The following CHCHD6 variants were observed in gnomAD, a reference collection of about 807,000 sequenced individuals.
CHCHD6 encodes the protein coiled-coil-helix-coiled-coil-helix domain containing 6.
CHCHD6 carries 28 observed loss-of-function variants against 32.3 expected under a neutral mutation model. The ratio of observed to expected loss-of-function variants is 0.87; its 90% confidence interval spans 0.64 to 1.19. The LOEUF (loss-of-function observed/expected upper bound fraction) is 1.19, where lower values mean the gene tolerates loss of function less well. CHCHD6 is among the 50% of genes most tolerant of loss of function. The pLI, the probability that CHCHD6 is intolerant of heterozygous loss-of-function variation, is 0.00. For missense variants in CHCHD6, 333 were observed against 307.0 expected, an observed-to-expected ratio of 1.08 and a Z score of -0.63; for synonymous variants, 122 against 117.5, an observed-to-expected ratio of 1.04 and a Z score of -0.25.
intron 4 of CHCHD6, chr3:126,766,410 G>A (rs1937372043): frequency 3.4e-6 from 2 of 580,936 alleles, no homozygotes; most frequent in Non-Finnish European, 6.5e-6. Context: ...GAGAGGTGTA[G>A]AGTCGGAGAA....
chr3:126,776,736 A>G (rs1166055703), intron 4 of CHCHD6, among the ~76,000 whole-genome samples: 1 of 152,140 alleles, frequency 6.6e-6, no homozygotes, highest in East Asian at 1.9e-4. Flanking sequence ...TTCTTATAAC[A>G]TCTTTGAATT....
chr3:126,765,002 C>T (rs1355279754), intron 4 of CHCHD6, among the ~76,000 whole-genome samples: 9 of 152,002 alleles, frequency 5.9e-5, no homozygotes, highest in African/African-American at 2.2e-4. Flanking sequence ...TGCTACGTGC[C>T]CTCCAAGGGC....
intron 4 of CHCHD6, among the ~76,000 whole-genome samples, chr3:126,750,404 C>T (rs966625668): frequency 6.6e-6 from 1 of 152,240 alleles, no homozygotes; most frequent in African/African-American, 2.4e-5. Flanking sequence ...ACAGCTCTTC[C>T]CCTGGCTGGC....
chr3:126,724,638 A>G (rs1282731334), intron 1 of CHCHD6, among the ~76,000 whole-genome samples: 2 of 152,152 alleles, frequency 1.3e-5, no homozygotes, highest in African/African-American at 4.8e-5. Flanking sequence ...TTCACAAAAG[A>G]TTTCTCTGTA....
chr3:126,926,490 C>T (rs1444104721), intron 6 of CHCHD6, among the ~76,000 whole-genome samples: 1 of 152,104 alleles, frequency 6.6e-6, no homozygotes, highest in Non-Finnish European at 1.5e-5. Context: ...GATGAAATGA[C>T]CTTGTGCTGA....
At position 126,852,724 on chromosome 3, in the gene CHCHD6, GA is replaced by G; in HGVS notation, c.490del (p.Arg164GlyfsTer25). On this transcript the variant is annotated frameshift_variant, in exon 5 of 8. Transcript: ENST00000290913. LOFTEE classifies it high-confidence loss of function. ...ACAAGGAGCAGCTGGAGCGTATTGA[GA>G]GGAAGGTAAGACTCCTGCTTGGCTG... The part of the protein sequence containing the change: ...FYKEQLERIE[R>X]KNAEMYKLSS... The G allele has an allele frequency of 6.2e-7, 1 of 1,611,450 alleles. No individual in the cohort carries two copies. Among genetic ancestry groups the G allele is most frequent in the Non-Finnish European group, 8.5e-7 (1 of 1,177,888 alleles).
intron 4 of CHCHD6, among the ~76,000 whole-genome samples, chr3:126,851,882 T>G (rs550189958): frequency 6.6e-6 from 1 of 152,226 alleles, no homozygotes; most frequent in East Asian, 1.9e-4. Flanking sequence ...CAGGAACTTG[T>G]TCAAGGTCGC....
At chr3:126,885,623 T>G (rs1408633620) in intron 5 of CHCHD6, among the ~76,000 whole-genome samples, 2 of 152,220 alleles carry the variant, frequency 1.3e-5, no homozygotes, top group African/African-American at 4.8e-5. Flanking sequence ...GTAAGATTAA[T>G]TTGTAAAATT....
intron 4 of CHCHD6, among the ~76,000 whole-genome samples, chr3:126,850,096 C>T (rs1005412850): frequency 1.3e-5 from 2 of 152,244 alleles, no homozygotes; most frequent in Admixed American, 1.3e-4. Flanking sequence ...TTCGTGTCAC[C>T]TCCTGTCCAT....
At chr3:126,810,866 G>T (rs1019998506) in intron 4 of CHCHD6, among the ~76,000 whole-genome samples, 1 of 152,218 alleles carries the variant, frequency 6.6e-6, no homozygotes, top group African/African-American at 2.4e-5. Flanking sequence ...AGAACAGGTT[G>T]TGGGGGTGGG....
At chr3:126,892,951 T>C (rs1031884064) in intron 5 of CHCHD6, among the ~76,000 whole-genome samples, 1 of 151,028 alleles carries the variant, frequency 6.6e-6, no homozygotes, top group African/African-American at 2.4e-5. Context: ...TTTGTTGTTG[T>C]TGTTGTTTTG....
intron 6 of CHCHD6, among the ~76,000 whole-genome samples, chr3:126,929,003 C>G (rs1470788212): frequency 6.6e-6 from 1 of 152,216 alleles, no homozygotes; most frequent in Non-Finnish European, 1.5e-5. Context: ...AAAGAACTCT[C>G]TCTGATGGAA....
intron 4 of CHCHD6, among the ~76,000 whole-genome samples, chr3:126,765,742 C>G (rs1344077319): frequency 2.6e-5 from 4 of 152,356 alleles, no homozygotes; most frequent in Non-Finnish European, 4.4e-5. Flanking sequence ...TGCCCCACCC[C>G]CAAGTCCCCA....
chr3:126,864,769 A>ATCT (rs1203275367), intron 5 of CHCHD6, among the ~76,000 whole-genome samples: 1 of 88,874 alleles, frequency 1.1e-5, no homozygotes, highest in African/African-American at 5.0e-5. Context: ...CTCCACCATC[A>ATCT]CCTCCTCCTC....
chr3:126,956,103 C>T (rs1320958956), intron 6 of CHCHD6, among the ~76,000 whole-genome samples: 1 of 152,194 alleles, frequency 6.6e-6, no homozygotes, highest in Non-Finnish European at 1.5e-5. Flanking sequence ...TAGATGATAA[C>T]GGCTCTGGAG....
At chr3:126,932,122 G>T (rs1000818433) in intron 6 of CHCHD6, among the ~76,000 whole-genome samples, 1 of 152,156 alleles carries the variant, frequency 6.6e-6, no homozygotes, top group Non-Finnish European at 1.5e-5. Context: ...CATTCCTCTT[G>T]TTGTCTTCTT....
intron 6 of CHCHD6, among the ~76,000 whole-genome samples, chr3:126,925,047 T>C (rs2078303073): frequency 6.6e-6 from 1 of 152,244 alleles, no homozygotes. Context: ...ATAGCTTTTG[T>C]GCTGTCAGGT....
intron 4 of CHCHD6, among the ~76,000 whole-genome samples, chr3:126,743,289 C>G (rs1009518908): frequency 6.6e-6 from 1 of 152,104 alleles, no homozygotes; most frequent in African/African-American, 2.4e-5. Context: ...TGGAAGGACA[C>G]GTGGGTTTTG....
chr3:126,798,126 G>C (rs538146132), intron 4 of CHCHD6, among the ~76,000 whole-genome samples: 1 of 152,322 alleles, frequency 6.6e-6, no homozygotes, highest in East Asian at 1.9e-4. Flanking sequence ...AAAGCAAGTG[G>C]TGTGCTGGAG....
Sources: allele counts gnomAD v4.1 joint callset (sites outside exome capture counted in the v4.1 genomes callset), GRCh38; gene constraint gnomAD v4.1.1; transcripts MANE v1.5; gene names NCBI Gene and HGNC (gene_info 2026-07-23, HGNC 2026-07-21).